Variants in CLYBL observed in about 807,000 individuals in gnomAD.
The protein encoded by CLYBL is citramalyl-CoA lyase, mitochondrial.
CLYBL carries 31 observed loss-of-function variants against 38.9 expected under a neutral mutation model. That is an observed-to-expected ratio of 0.80 (90% confidence interval 0.60 to 1.08). The LOEUF is 1.08. CLYBL is among the 50% of genes least tolerant of loss of function. The pLI is 0.00. For synonymous variants in CLYBL, 171 were observed against 158.6 expected, an observed-to-expected ratio of 1.08 and a Z score of -0.59; for missense variants, 434 against 411.6, an observed-to-expected ratio of 1.05 and a Z score of -0.47.
chr13:99,781,170 T>TTA (rs751424572), intron 2 of CLYBL, among the ~76,000 whole-genome samples: 47,563 of 149,706 alleles, frequency 0.32, 8,499 homozygotes, highest in Middle Eastern at 0.43. Context: ...TTATTTTTAT[T>TTA]TATTTATTTA....
chr13:99,740,614 A>G (rs768010639), intron 1 of CLYBL, among the ~76,000 whole-genome samples: 1 of 152,180 alleles, frequency 6.6e-6, no homozygotes. Flanking sequence ...TGACGCCCAT[A>G]TTATGACTTA....
At chr13:99,681,937 A>G (rs1222246524) in intron 1 of CLYBL, among the ~76,000 whole-genome samples, 2 of 152,146 alleles carry the variant, frequency 1.3e-5, no homozygotes, top group East Asian at 3.9e-4. Context: ...TCACTTAACA[A>G]TGAGAATACG....
intron 2 of CLYBL, among the ~76,000 whole-genome samples, chr13:99,825,135 A>G (rs987656139): frequency 2.6e-5 from 4 of 152,162 alleles, no homozygotes; most frequent in African/African-American, 9.7e-5. Context: ...TGTTCATGTA[A>G]TTCCATAAGG....
intron 1 of CLYBL, among the ~76,000 whole-genome samples, chr13:99,609,861 T>C (rs577704019): frequency 1.3e-5 from 2 of 152,318 alleles, no homozygotes; most frequent in Admixed American, 6.5e-5. Flanking sequence ...TATCTCTTCA[T>C]TGATATTCTC....
intron 1 of CLYBL, among the ~76,000 whole-genome samples, chr13:99,609,706 G>A (rs1038670307): frequency 1.3e-5 from 2 of 151,008 alleles, no homozygotes; most frequent in African/African-American, 2.4e-5. Context: ...CTGGCTAATT[G>A]TTTCTATTCT....
At chr13:99,890,719 C>T (rs1303293230) in intron 7 of CLYBL, among the ~76,000 whole-genome samples, 6 of 152,278 alleles carry the variant, frequency 3.9e-5, no homozygotes, top group East Asian at 1.9e-4. Flanking sequence ...CCGCCCGCCC[C>T]GGCCTCCCAA....
intron 1 of CLYBL, among the ~76,000 whole-genome samples, chr13:99,731,505 A>T (rs1243481485): frequency 5.3e-5 from 1 of 18,724 alleles, no homozygotes; most frequent in African/African-American, 5.8e-4. Context: ...GCTTATATTA[A>T]AAAAAAAAAA....
At chr13:99,846,702 G>A (rs2051214185) in intron 2 of CLYBL, among the ~76,000 whole-genome samples, 1 of 152,218 alleles carries the variant, frequency 6.6e-6, no homozygotes, top group African/African-American at 2.4e-5. Flanking sequence ...TTGTTTAGTT[G>A]CAAGGCTATG....
rs530923775 is a variant in CLYBL, at chr13:99,720,460, T to A, written c.63-52364T>A. ...TTTAGATTTACTTACATGTTTACTC[T>A]CTGCTCACCATCGCTCCTTTGGATC... is the stretch of plus-strand genomic sequence containing the variant. On this transcript the variant is annotated intron_variant, in intron 1 of 8. Coordinates refer to ENST00000339105, the MANE Select transcript of CLYBL (RefSeq NM_206808.5). Among the ~76,000 whole-genome samples the A allele has an allele frequency of 6.6e-5, 10 of 152,338 alleles. No homozygotes were observed. In the South Asian group the frequency reaches 8.3e-4, roughly 13 times the overall value.
chr13:99,702,972 C>T (rs1042242168), intron 1 of CLYBL, among the ~76,000 whole-genome samples: 12 of 152,162 alleles, frequency 7.9e-5, no homozygotes, highest in South Asian at 4.1e-4. Flanking sequence ...TGGTACCTTT[C>T]GGAACCACGT....
At chr13:99,667,419 C>A (rs1240236707) in intron 1 of CLYBL, among the ~76,000 whole-genome samples, 3 of 144,532 alleles carry the variant, frequency 2.1e-5, no homozygotes, top group African/African-American at 7.7e-5. Context: ...TATAGTCCTA[C>A]TTAAAGAATC....
chr13:99,621,803 A>G (rs1037712107), intron 1 of CLYBL, among the ~76,000 whole-genome samples: 2 of 150,356 alleles, frequency 1.3e-5, no homozygotes, highest in African/African-American at 4.9e-5. Context: ...AGTGGATTTT[A>G]TGTGTGGTCC....
intron 7 of CLYBL, among the ~76,000 whole-genome samples, chr13:99,872,444 C>CCTAGAA (rs1181702228): frequency 6.6e-6 from 1 of 152,172 alleles, no homozygotes; most frequent in African/African-American, 2.4e-5. Context: ...AATCTATTCA[C>CCTAGAA]CTAGAACGAA....
intron 2 of CLYBL, among the ~76,000 whole-genome samples, chr13:99,828,245 C>T (rs532799545): frequency 1.3e-5 from 2 of 152,184 alleles, no homozygotes; most frequent in Non-Finnish European, 2.9e-5. Context: ...CTAAGTCAGA[C>T]GGGTGCACTC....
At chr13:99,781,015 A>AATTTTTTATTTTTTGAGACTGAGTTTTGC (rs2049637128) in intron 2 of CLYBL, among the ~76,000 whole-genome samples, 1 of 151,830 alleles carries the variant, frequency 6.6e-6, no homozygotes, top group Non-Finnish European at 1.5e-5. Flanking sequence ...CACCCGGCTA[A>AATTTTTTATTTTTTGAGACTGAGTTTTGC]TCCATTGACT....
intron 1 of CLYBL, among the ~76,000 whole-genome samples, chr13:99,621,660 C>T (rs1322736687): frequency 6.6e-6 from 1 of 152,150 alleles, no homozygotes; most frequent in African/African-American, 2.4e-5. Context: ...TTAAGCTTGT[C>T]CCTGCAGCCT....
At chr13:99,674,139 A>ATTTTT (rs1190139111) in intron 1 of CLYBL, among the ~76,000 whole-genome samples, 1 of 109,782 alleles carries the variant, frequency 9.1e-6, no homozygotes, top group African/African-American at 4.1e-5. Context: ...AGCTACTAGA[A>ATTTTT]TTCTTTTTTT....
At chr13:99,757,951 C>T (rs763788063) in intron 1 of CLYBL, among the ~76,000 whole-genome samples, 11 of 152,242 alleles carry the variant, frequency 7.2e-5, no homozygotes, top group South Asian at 2.1e-4. Flanking sequence ...CTTGTCTATA[C>T]GCAGATTCTC....
downstream of CLYBL, among the ~76,000 whole-genome samples, chr13:99,898,334 T>C (rs1293319421): frequency 6.6e-6 from 1 of 152,206 alleles, no homozygotes; most frequent in Non-Finnish European, 1.5e-5. Flanking sequence ...CTCCATACTC[T>C]AGGCATCTGG....
Sources: allele counts gnomAD v4.1 joint callset (sites outside exome capture counted in the v4.1 genomes callset), GRCh38; gene constraint gnomAD v4.1.1; transcripts MANE v1.5; gene names NCBI Gene and HGNC (gene_info 2026-07-23, HGNC 2026-07-21).